Variants in NRXN1 observed in about 807,000 individuals in gnomAD.
NRXN1 encodes the protein neurexin 1.
Under a neutral mutation model 150.9 loss-of-function variants are expected in NRXN1, and 39 were observed. The ratio of observed to expected loss-of-function variants is 0.26; its 90% CI spans 0.20 to 0.34. The LOEUF (loss-of-function observed/expected upper bound fraction) is 0.34, where lower values mean the gene tolerates loss of function less well. Among genes scored for constraint, NRXN1 ranks in the 10% least tolerant of loss-of-function variants. The probability of loss-of-function intolerance (pLI) is 1.00; values close to 1 mark genes in which losing one functional copy is unlikely to be tolerated. For missense variants in NRXN1, 1,815 were observed against 1,949.9 expected, an observed-to-expected ratio of 0.93 and a Z score of 1.30; for synonymous variants, 924 against 757.0, an observed-to-expected ratio of 1.22 and a Z score of -3.62.
intron 17 of NRXN1, among the ~76,000 whole-genome samples, chr2:50,406,358 G>C (rs1572854498): frequency 6.6e-6 from 1 of 152,130 alleles, no homozygotes; most frequent in Non-Finnish European, 1.5e-5. Flanking sequence ...TTTAAAGTCT[G>C]TCTGGATCTT....
chr2:50,644,762 T>A (rs1391923816), intron 5 of NRXN1, among the ~76,000 whole-genome samples: 1 of 146,758 alleles, frequency 6.8e-6, no homozygotes, highest in East Asian at 1.9e-4. Context: ...TATACAAATA[T>A]TTATATATAA....
At chr2:50,278,190 G>A (rs1254041017) in intron 17 of NRXN1, among the ~76,000 whole-genome samples, 1 of 130,150 alleles carries the variant, frequency 7.7e-6, no homozygotes, top group Non-Finnish European at 1.6e-5. Flanking sequence ...ATCCCAAGTA[G>A]CTGGGATCAC....
At chr2:50,174,059 A>T (rs2060196662) in intron 18 of NRXN1, among the ~76,000 whole-genome samples, 1 of 152,164 alleles carries the variant, frequency 6.6e-6, no homozygotes, top group Non-Finnish European at 1.5e-5. Context: ...ATTGATTTAT[A>T]TCAAAATAAA....
At chr2:49,991,964 G>C (rs1218829693) in intron 21 of NRXN1, among the ~76,000 whole-genome samples, 1 of 152,174 alleles carries the variant, frequency 6.6e-6, no homozygotes, top group African/African-American at 2.4e-5. Flanking sequence ...CTTTGATATA[G>C]AGCAAAGGTT....
At position 50,241,750 on chromosome 2, in the gene NRXN1, T is replaced by C. The variant is rs543511840; in HGVS notation, c.3365-4780A>G. ...ATCAGGGAATATTTTTAGATCTTAT[T>C]GAACATGCTATTTACATATAGGGCT... On this transcript the variant is annotated intron_variant, in intron 17 of 22. Coordinates refer to ENST00000401669, the MANE Select transcript of NRXN1 (RefSeq NM_001330078.2). Among the ~76,000 whole-genome samples, 230 of 151,982 alleles carry C rather than the reference T, an allele frequency of 1.5e-3. 1 individual carries two copies. Among genetic ancestry groups the C allele is most frequent in the Non-Finnish European group, 2.1e-3 (145 of 67,838 alleles).
At position 50,683,646 on chromosome 2, in the gene NRXN1, A is replaced by AAAAAAAAAAAAAAAAAATATATATAT; in HGVS notation, c.833-60032_833-60031insATATATATATTTTTTTTTTTTTTTTT. Reference sequence around the variant, plus strand: ...GACTCCGTCTCAAAAAAAAAAAAAAAATATATATATATATATATATGTTAT... The same window carrying AAAAAAAAAAAAAAAAAATATATATAT: ...GACTCCGTCTCAAAAAAAAAAAAAAAAAAAAAAAAAAAAAAAATATATATATATATATATATATATATATATGTTAT... On this transcript the variant is annotated intron_variant, in intron 5 of 22. Transcript: ENST00000401669. Among the ~76,000 whole-genome samples, 12 of 14,896 alleles carry AAAAAAAAAAAAAAAAAATATATATAT rather than the reference A, an allele frequency of 8.1e-4. 1 individual carries two copies. Among genetic ancestry groups the AAAAAAAAAAAAAAAAAATATATATAT allele is most frequent in the African/African-American group, 2.2e-3 (6 of 2,778 alleles). 9.8% of individuals were successfully genotyped at this position (14,896 alleles called of 152,430 possible).
intron 17 of NRXN1, among the ~76,000 whole-genome samples, chr2:50,451,016 G>C (rs1208443396): frequency 6.6e-6 from 1 of 152,118 alleles, no homozygotes; most frequent in Admixed American, 6.6e-5. Context: ...GTCTCCCTCT[G>C]TTGAGTGCAG....
intron 18 of NRXN1, among the ~76,000 whole-genome samples, chr2:50,224,331 A>G (rs1366770110): frequency 1.3e-5 from 2 of 152,002 alleles, no homozygotes; most frequent in Non-Finnish European, 2.9e-5. Context: ...CAGTCTGCTC[A>G]TTGGTAAAAC....
At chr2:50,860,676 G>A (rs982469000) in intron 5 of NRXN1, among the ~76,000 whole-genome samples, 3 of 152,022 alleles carry the variant, frequency 2.0e-5, no homozygotes, top group African/African-American at 7.2e-5. Flanking sequence ...TTGGATGCAT[G>A]GGCAAGTCAT....
At chr2:50,284,989 A>T (rs982689917) in intron 17 of NRXN1, among the ~76,000 whole-genome samples, 3 of 152,178 alleles carry the variant, frequency 2.0e-5, no homozygotes, top group African/African-American at 7.2e-5. Flanking sequence ...CTAATATTAA[A>T]CATTGAATTA....
chr2:50,876,895 A>C (rs982980596), intron 5 of NRXN1, among the ~76,000 whole-genome samples: 1 of 151,852 alleles, frequency 6.6e-6, no homozygotes, highest in South Asian at 2.1e-4. Context: ...ACAAAAAATA[A>C]TCTGATTCTT....
chr2:50,068,664 A>G (rs762008838), intron 19 of NRXN1, among the ~76,000 whole-genome samples: 11 of 152,238 alleles, frequency 7.2e-5, no homozygotes, highest in Non-Finnish European at 1.6e-4. Context: ...GCACATGGTA[A>G]GCACTCAGTA....
intron 2 of NRXN1, among the ~76,000 whole-genome samples, chr2:50,929,654 G>A (rs972048622): frequency 6.6e-6 from 1 of 152,038 alleles, no homozygotes; most frequent in South Asian, 2.1e-4. Flanking sequence ...GCAGTGGAAA[G>A]ACAGATGAAG....
intron 12 of NRXN1, 108 bp downstream of exon 12, chr2:50,528,517 T>G: frequency 1.4e-6 from 1 of 689,694 alleles, no homozygotes. Flanking sequence ...AAAAGTGAGC[T>G]CATGAGTTTT....
chr2:49,979,379 T>C (rs1679582527), intron 21 of NRXN1, among the ~76,000 whole-genome samples: 1 of 152,242 alleles, frequency 6.6e-6, no homozygotes, highest in East Asian at 1.9e-4. Context: ...TTTCCCATGC[T>C]GATGCTGTAT....
intron 17 of NRXN1, among the ~76,000 whole-genome samples, chr2:50,271,842 GA>G (rs1192997739): frequency 9.2e-5 from 14 of 151,756 alleles, no homozygotes; most frequent in African/African-American, 1.7e-4. Context: ...AAAGACAAGA[GA>G]AAAAAAATCA....
intron 5 of NRXN1, among the ~76,000 whole-genome samples, chr2:50,777,574 C>T (rs951001476): frequency 6.6e-6 from 1 of 152,068 alleles, no homozygotes; most frequent in Non-Finnish European, 1.5e-5. Context: ...TACCATAAAA[C>T]CAAGCATTCC....
At chr2:50,167,720 G>C (rs931694616) in intron 18 of NRXN1, among the ~76,000 whole-genome samples, 1 of 151,996 alleles carries the variant, frequency 6.6e-6, no homozygotes, top group Non-Finnish European at 1.5e-5. Flanking sequence ...GTTAACTAGG[G>C]ACCTTTAACA....
At chr2:50,349,334 C>T (rs923921870) in intron 17 of NRXN1, among the ~76,000 whole-genome samples, 1 of 152,164 alleles carries the variant, frequency 6.6e-6, no homozygotes, top group African/African-American at 2.4e-5. Flanking sequence ...CCCTTGCCCC[C>T]AGTCATTTCT....
Sources: gnomAD v4.1 joint callset for allele counts (sites outside exome capture counted in the v4.1 genomes callset) on GRCh38, gnomAD v4.1.1 for gene constraint, MANE v1.5 for transcripts, NCBI Gene and HGNC (gene_info 2026-07-23, HGNC 2026-07-21) for gene names.